Variants in MME observed in about 807,000 individuals in gnomAD.
MME encodes membrane metalloendopeptidase.
In MME, 98 loss-of-function variants were observed where a neutral mutation model predicts 113.2. The observed-to-expected ratio is 0.87, with a 90% confidence interval of 0.74 to 1.02. The LOEUF (loss-of-function observed/expected upper bound fraction) is 1.02, where lower values mean the gene tolerates loss of function less well. MME is among the 50% of genes least tolerant of loss of function. The pLI is 0.00. For missense variants in MME, 836 were observed against 896.0 expected (o/e 0.93, Z 0.86); for synonymous variants, 292 against 300.6 (o/e 0.97, Z 0.30).
chr3:155,111,251 AG>A (rs1263934873), intron 3 of MME, among the ~76,000 whole-genome samples: 1 of 152,206 alleles, frequency 6.6e-6, no homozygotes, highest in South Asian at 2.1e-4. Flanking sequence ...AAGAGATTAA[AG>A]GAAGGTTGAT....
Position 155,160,434 on chromosome 3 carries a change from G to A in MME, c.1646G>A (p.Gly549Glu). Reference protein sequence around the residue: ...AAVVNAFYSSGRNQIVFPAGI... With the variant: ...AAVVNAFYSSERNQIVFPAGI... ...GTAGTCAATGCATTTTACTCTTCAG[G>A]AAGAAATCAGATAGGTAAGGTGTAT... The change falls in exon 17 of 23, where the codon GGA becomes GAA. Residue 549 changes from glycine to glutamate, a missense_variant. By Grantham distance (98) the Gly-to-Glu change is moderately conservative. Coordinates refer to ENST00000360490, the MANE Select transcript of MME (RefSeq NM_007289.4). The A allele has an allele frequency of 6.2e-7, 1 of 1,603,464 alleles. No individual in the cohort carries two copies. The highest frequency in any genetic ancestry group is 1.1e-5 in the South Asian group (1 of 90,848).
chr3:155,147,072 CATGGGCAGATTATAAATTTGTA>C, intron 14 of MME, 50 bp from the exon 15 acceptor site: 3 of 963,972 alleles, frequency 3.1e-6, no homozygotes, highest in Non-Finnish European at 5.1e-6. Flanking sequence ...AATTGCTAGT[CATGGGCAGATTATAAATTTGTA>C]TCTGAAAGTT....
chr3:155,139,318 T>C (rs891595795), intron 9 of MME, among the ~76,000 whole-genome samples: 2 of 152,198 alleles, frequency 1.3e-5, no homozygotes, highest in Non-Finnish European at 2.9e-5. Context: ...ATTAGATTCT[T>C]GTATTAGATT....
chr3:155,039,996 C>T (rs758482285), intron 1 of MME, among the ~76,000 whole-genome samples: 1 of 152,032 alleles, frequency 6.6e-6, no homozygotes, highest in Non-Finnish European at 1.5e-5. Context: ...TCCCTTATGG[C>T]ATTGGGTACT....
At chr3:155,117,786 G>A (rs1487128279) in intron 7 of MME, among the ~76,000 whole-genome samples, 2 of 152,028 alleles carry the variant, frequency 1.3e-5, no homozygotes, top group African/African-American at 4.8e-5. Flanking sequence ...CTCCTTGCAG[G>A]ATCACCTTGA....
intron 1 of MME, among the ~76,000 whole-genome samples, chr3:155,030,766 T>C (rs1028252340): frequency 8.5e-5 from 13 of 152,218 alleles, no homozygotes; most frequent in Non-Finnish European, 1.5e-4. Flanking sequence ...ACATGTCACA[T>C]TTCTGTCTGG....
intron 8 of MME, among the ~76,000 whole-genome samples, chr3:155,137,285 T>G (rs1228915591): frequency 1.3e-5 from 2 of 152,126 alleles, no homozygotes. Flanking sequence ...CAACACAGCT[T>G]CATAAAAAAG....
At chr3:155,100,378 C>T (rs1054591467) in intron 3 of MME, among the ~76,000 whole-genome samples, 9 of 152,160 alleles carry the variant, frequency 5.9e-5, no homozygotes, top group East Asian at 3.9e-4. Flanking sequence ...GTTAGAATGG[C>T]GATCATTAAA....
chr3:155,154,725 C>G (rs763674903), intron 16 of MME, among the ~76,000 whole-genome samples: 5 of 152,140 alleles, frequency 3.3e-5, no homozygotes, highest in Non-Finnish European at 7.3e-5. Context: ...TATAGTTCAA[C>G]TTGAGTATCA....
intron 1 of MME, among the ~76,000 whole-genome samples, chr3:155,040,552 T>C (rs1438344708): frequency 6.6e-6 from 1 of 151,838 alleles, no homozygotes; most frequent in Non-Finnish European, 1.5e-5. Context: ...TTATGCATTA[T>C]GTGTATGCAT....
intron 3 of MME, among the ~76,000 whole-genome samples, chr3:155,108,058 CAG>C (rs1717843437): frequency 6.6e-6 from 1 of 152,104 alleles, no homozygotes; most frequent in Non-Finnish European, 1.5e-5. Flanking sequence ...TGTCTTTAAA[CAG>C]AAACACACAT....
chr3:155,034,288 C>T (rs983404755), intron 1 of MME, among the ~76,000 whole-genome samples: 1 of 152,116 alleles, frequency 6.6e-6, no homozygotes, highest in Non-Finnish European at 1.5e-5. Flanking sequence ...TTTCTGAGTC[C>T]CAGAATGTGC....
At chr3:155,040,160 G>C (rs1418900899) in intron 1 of MME, among the ~76,000 whole-genome samples, 1 of 152,152 alleles carries the variant, frequency 6.6e-6, no homozygotes, top group East Asian at 1.9e-4. Flanking sequence ...AGGAGAGGTT[G>C]ATTGGCTTAA....
intron 8 of MME, among the ~76,000 whole-genome samples, chr3:155,130,891 T>C (rs990511105): frequency 6.6e-6 from 1 of 152,228 alleles, no homozygotes; most frequent in African/African-American, 2.4e-5. Context: ...ATTGAGCTTA[T>C]GCTATGTGAC....
At chr3:155,102,379 G>A (rs1717326470) in intron 3 of MME, among the ~76,000 whole-genome samples, 1 of 152,058 alleles carries the variant, frequency 6.6e-6, no homozygotes, top group South Asian at 2.1e-4. Context: ...TGTATTCTAT[G>A]GATTACCTTG....
intron 8 of MME, among the ~76,000 whole-genome samples, chr3:155,128,836 A>T (rs1048628125): frequency 2.6e-5 from 4 of 152,198 alleles, no homozygotes; most frequent in African/African-American, 9.6e-5. Flanking sequence ...AAGAGAGGAA[A>T]CAAAAGAAAG....
intron 1 of MME, among the ~76,000 whole-genome samples, chr3:155,034,964 C>A (rs1713083147): frequency 6.6e-6 from 1 of 152,058 alleles, no homozygotes; most frequent in African/African-American, 2.4e-5. Context: ...AGTGAGAAAG[C>A]CACAATGGAT....
At chr3:155,025,560 G>A (rs1036055227) in intron 1 of MME, among the ~76,000 whole-genome samples, 1 of 149,620 alleles carries the variant, frequency 6.7e-6, no homozygotes. Flanking sequence ...GGAGGCAGAG[G>A]TTGCGGTGAG....
At chr3:155,027,266 CTCTT>C (rs1576657776) in intron 1 of MME, among the ~76,000 whole-genome samples, 1 of 152,094 alleles carries the variant, frequency 6.6e-6, no homozygotes. Flanking sequence ...TCCTGTCTCT[CTCTT>C]CTCTTGTACG....
Sources: allele counts gnomAD v4.1 joint callset (sites outside exome capture counted in the v4.1 genomes callset), GRCh38; gene constraint gnomAD v4.1.1; transcripts MANE v1.5; gene names NCBI Gene and HGNC (gene_info 2026-07-23, HGNC 2026-07-21).